The following ERBB3 variants were observed in gnomAD, a reference collection of about 807,000 sequenced individuals.
ERBB3 encodes receptor tyrosine-protein kinase erbB-3.
ERBB3 carries 96 observed loss-of-function variants against 156.7 expected under a neutral mutation model. That is an observed-to-expected ratio of 0.61 (90% CI 0.52 to 0.73). ERBB3 has a LOEUF of 0.73. Among genes scored for constraint, ERBB3 ranks in the 30% least tolerant of loss-of-function variants. The pLI is 0.00. For synonymous variants in ERBB3, 567 were observed against 632.0 expected, an observed-to-expected ratio of 0.90 and a Z score of 1.54; for missense variants, 1,406 against 1,709.4, an observed-to-expected ratio of 0.82 and a Z score of 3.13.
chr12:56,095,954 G>C, intron 17 of ERBB3, 148 bp downstream of exon 17: 3 of 844,634 alleles, frequency 3.6e-6, no homozygotes, highest in Non-Finnish European at 5.8e-6. Context: ...CCAGAGATTT[G>C]ATCCCTTTCT....
chr12:56,084,598 CAAA>C (rs34576601), intron 2 of ERBB3, among the ~76,000 whole-genome samples: 4 of 125,608 alleles, frequency 3.2e-5, no homozygotes, highest in Non-Finnish European at 6.5e-5. Context: ...CCTGTCTCAC[CAAA>C]AAAAAAAAAA....
Position 56,101,088 on chromosome 12 carries a change from C to CG in ERBB3, c.3231dup (p.Cys1078ValfsTer28). On this transcript the variant is annotated frameshift_variant, in exon 27 of 28. Coordinates refer to ENST00000267101, the MANE Select transcript of ERBB3 (RefSeq NM_001982.4). LOFTEE classifies it high-confidence loss of function. Reference sequence around the variant, plus strand: ...GTCTGCAGTTTCTGGGAGCAGTGAACGGTGCCCCCGTCCAGTCTCTCTACA... The same window carrying CG: ...GTCTGCAGTTTCTGGGAGCAGTGAACGGGTGCCCCCGTCCAGTCTCTCTACA... 1 of 1,613,906 alleles carries CG rather than the reference C, an allele frequency of 6.2e-7. No homozygotes were observed. The highest frequency in any genetic ancestry group is 8.5e-7 in the Non-Finnish European group (1 of 1,179,948).
chr12:56,100,926 C>T, intron 26 of ERBB3, 135 bp from the exon 27 acceptor site: 1 of 684,254 alleles, frequency 1.5e-6, no homozygotes, highest in Non-Finnish European at 2.2e-6. Context: ...GCGACAAGAA[C>T]AAGACTCCAC....
At position 56,097,895 on chromosome 12, in the gene ERBB3, C is replaced by G. The variant is rs2136820226; in HGVS notation, c.2571C>G (p.Asp857Glu). Residue 857 changes from aspartate to glutamate, a missense_variant, in exon 21 of 28, where the codon GAC (aspartate) becomes GAG (glutamate). Around this residue, in one of 3 missense-constraint regions of ERBB3, gnomAD observed 979 missense variants for 1,219.6 expected, o/e 0.80. Transcript: ENST00000267101. ...AGGTGGCAGATTTTGGTGTGGCTGA[C>G]CTGCTGCCTCCTGATGATAAGCAGC... ...QVQVADFGVADLLPPDDKQLL... is the reference protein window; with the variant it reads ...QVQVADFGVAELLPPDDKQLL... 6.2e-7 allele frequency: 1 copy of G among 1,613,756 alleles called. No homozygotes were observed. The highest frequency in any genetic ancestry group is 8.5e-7 in the Non-Finnish European group (1 of 1,180,010).
In ERBB3 at chr12:56,100,000, C is replaced by T. The variant is rs748965595; in HGVS notation, c.3100C>T (p.Pro1034Ser). 3.1e-6 allele frequency: 5 copies of T among 1,614,124 alleles called. No individual in the cohort carries two copies. The highest frequency in any genetic ancestry group is 1.1e-5 in the South Asian group (1 of 91,088). Residue 1034 changes from proline (P) to serine (S), a missense_variant, in exon 25 of 28, where the codon CCA (proline) becomes TCA (serine). By Grantham distance (74) the Pro-to-Ser change is moderately conservative. This residue lies in a region of ERBB3 where 415 missense variants were observed against 454.1 expected (regional missense o/e 0.91). Coordinates refer to ENST00000267101, the MANE Select transcript of ERBB3 (RefSeq NM_001982.4). ...CACACTGGGCTCCGCCCTCAGCCTA[C>T]CAGTTGGAACACTTAATCGGCCACG... ...TTTLGSALSL[P>S]VGTLNRPRGS...
At position 56,083,909 on chromosome 12, in the gene ERBB3, G is replaced by A. The variant is rs752412861; in HGVS notation, c.234+7G>A. On this transcript the variant is annotated splice_region_variant and intron_variant, in intron 2 of 27. Transcript: ENST00000267101. ...CGACCTCTCCTTCCTGCAGGTTAGTGAGCCCACCCTCCTTCCTCAACCTGC... is the reference window on the plus strand; with the variant it reads ...CGACCTCTCCTTCCTGCAGGTTAGTAAGCCCACCCTCCTTCCTCAACCTGC... 4.3e-6 allele frequency: 7 copies of A among 1,613,878 alleles called. No homozygotes were observed. The highest frequency in any genetic ancestry group is 5.9e-6 in the Non-Finnish European group (7 of 1,179,834).
intron 17 of ERBB3, 69 bp from the exon 18 acceptor site, chr12:56,096,434 T>C: frequency 6.2e-7 from 1 of 1,605,468 alleles, no homozygotes; most frequent in Non-Finnish European, 8.5e-7. Flanking sequence ...CATTCACCTA[T>C]GAGGAGCGGG....
At chr12:56,091,369 AC>A (rs374724536) in intron 9 of ERBB3, among the ~76,000 whole-genome samples, 2 of 105,718 alleles carry the variant, frequency 1.9e-5, no homozygotes, top group Admixed American at 1.0e-4. Flanking sequence ...AATATTATAT[AC>A]TATTTATATA....
intron 21 of ERBB3, 37 bp downstream of exon 21, chr12:56,097,977 G>C (rs1194650271): frequency 1.2e-6 from 2 of 1,607,624 alleles, no homozygotes; most frequent in Non-Finnish European, 1.7e-6. Context: ...CGGGGGTGGA[G>C]TGAAGCATGG....
At position 56,099,952 on chromosome 12, in the gene ERBB3, G is replaced by A. The variant is rs779069907; in HGVS notation, c.3052G>A (p.Glu1018Lys). ...AGACCTAGACCTAGACTTGGAAGCA[G>A]AGGAGGACAACCTGGCAACCACCAC... ...ELDLDLDLEA[E>K]EDNLATTTLG... is the part of the protein sequence containing the mutation. Residue 1018 changes from glutamate to lysine, a missense_variant, in exon 25 of 28, where the codon GAG becomes AAG. Glu to Lys is a moderately conservative substitution (Grantham distance 56). Coordinates refer to ENST00000267101, the MANE Select transcript of ERBB3 (RefSeq NM_001982.4). 8.7e-6 allele frequency: 14 copies of A among 1,614,238 alleles called. No individual in the cohort carries two copies. Among genetic ancestry groups the A allele is most frequent in the Non-Finnish European group, 1.2e-5 (14 of 1,180,044 alleles).
chr12:56,097,645 G>A (rs1407885607), intron 20 of ERBB3, 140 bp from the exon 21 acceptor site: 2 of 875,330 alleles, frequency 2.3e-6, no homozygotes, highest in Middle Eastern at 3.4e-4. Flanking sequence ...TGGAAAAACT[G>A]TCTTCCACAA....
In ERBB3 at chr12:56,099,672, G is replaced by A. The variant is rs781502670; in HGVS notation, c.2864G>A (p.Arg955His). The A allele has an allele frequency of 1.2e-6, 2 of 1,613,940 alleles. No individual in the cohort carries two copies. Among genetic ancestry groups the A allele is most frequent in the Non-Finnish European group, 1.7e-6 (2 of 1,179,950 alleles). The part of the protein sequence containing the change: ...VKCWMIDENI[R>H]PTFKELANEF... ...GGTTGGATGATTGATGAGAACATTC[G>A]CCCAACCTTTAAAGAACTAGCCAAT... Residue 955 changes from arginine (R) to histidine (H), a missense_variant, in exon 24 of 28, where the codon CGC becomes CAC. Transcript: ENST00000267101.
In ERBB3 at chr12:56,093,789, A is replaced by T; in HGVS notation, c.1506A>T (p.Pro502=). Residue 502 remains proline, a synonymous_variant, in exon 13 of 28, where the codon CCA becomes CCT. Transcript: ENST00000267101. ...TGGCAGAGGGCAAAGTGTGTGACCCACTGTGCTCCTCTGGGGGATGCTGGG... is the reference window on the plus strand; with the variant it reads ...TGGCAGAGGGCAAAGTGTGTGACCCTCTGTGCTCCTCTGGGGGATGCTGGG... The part of the protein sequence containing the change: ...DCVAEGKVCD[P]LCSSGGCWGP... The T allele has an allele frequency of 6.2e-7, 1 of 1,613,990 alleles. No homozygotes were observed. Among genetic ancestry groups the T allele is most frequent in the South Asian group, 1.1e-5 (1 of 91,080 alleles).
chr12:56,090,184 G>C (rs1336802415), intron 9 of ERBB3, among the ~76,000 whole-genome samples: 2 of 151,736 alleles, frequency 1.3e-5, no homozygotes, highest in Non-Finnish European at 2.9e-5. Flanking sequence ...ATTTTTAGTA[G>C]AGACAGGGTT....
intron 15 of ERBB3, 98 bp from the exon 16 acceptor site, chr12:56,095,159 C>T: frequency 1.1e-6 from 1 of 934,066 alleles, no homozygotes; most frequent in East Asian, 2.4e-5. Context: ...GGATGGGATG[C>T]CACGGTAAGT....
chr12:56,099,611 C>T (rs2136824772), intron 23 of ERBB3, 37 bp from the exon 24 acceptor site: 1 of 1,575,658 alleles, frequency 6.3e-7, no homozygotes, highest in Non-Finnish European at 8.7e-7. Context: ...GGAATGTATT[C>T]TCTTTTATGT....
At chr12:56,092,088 TAAAAAAAAAA>T (rs778531663) in intron 9 of ERBB3, among the ~76,000 whole-genome samples, 3 of 111,824 alleles carry the variant, frequency 2.7e-5, no homozygotes, top group African/African-American at 1.0e-4. Context: ...CCCTGTCTCT[TAAAAAAAAAA>T]AAAAAAAAAG....
In ERBB3 at chr12:56,102,197, C is replaced by T. The variant is rs1869136405; in HGVS notation, c.*142C>T. The T allele has an allele frequency of 1.3e-6, 1 of 778,294 alleles. No individual in the cohort carries two copies. The highest frequency in any genetic ancestry group is 2.5e-5 in the East Asian group (1 of 40,142). 48.2% of individuals were successfully genotyped at this position (778,294 alleles called of 1,614,324 possible). ...GACAATTCCATTCAATCTTTGGAGG[C>T]TTTTAAACATTTTGACACAAAATTC... On this transcript the variant is annotated 3_prime_UTR_variant, in exon 28 of 28. Transcript: ENST00000267101.
chr12:56,091,283 T>TAAATAATATATATAAATATAA (rs1868678240), intron 9 of ERBB3, among the ~76,000 whole-genome samples: 3 of 51,762 alleles, frequency 5.8e-5, no homozygotes, highest in African/African-American at 1.2e-4. Context: ...TATATATATA[T>TAAATAATATATATAAATATAA]ATATATATAT....
Sources: gnomAD v4.1 joint callset for allele counts (sites outside exome capture counted in the v4.1 genomes callset) on GRCh38, gnomAD v4.1.1 for gene constraint, gnomAD v4.1.1 regional missense constraint, MANE v1.5 for transcripts, NCBI Gene and HGNC (gene_info 2026-07-23, HGNC 2026-07-21) for gene names.